The following NLGN1 variants were observed in gnomAD, a reference collection of about 807,000 sequenced individuals.
The protein encoded by NLGN1 is neuroligin 1, also known as neuroligin-1.
In NLGN1, 12 loss-of-function variants were observed where a neutral mutation model predicts 65.5. The ratio of observed to expected loss-of-function variants is 0.18; its 90% CI spans 0.12 to 0.30. The LOEUF (loss-of-function observed/expected upper bound fraction) is 0.30. Ranked by LOEUF, NLGN1 falls within the 10% of genes least tolerant of loss-of-function variation. NLGN1 has a pLI of 1.00. For missense variants in NLGN1, 750 were observed against 1,007.1 expected (o/e 0.74, Z 3.46); for synonymous variants, 350 against 359.5 (o/e 0.97, Z 0.30).
At chr3:173,936,344 A>G (rs1745077787) in intron 4 of NLGN1, among the ~76,000 whole-genome samples, 2 of 152,030 alleles carry the variant, frequency 1.3e-5, no homozygotes, top group African/African-American at 4.8e-5. Flanking sequence ...TGTTTATTAC[A>G]GTGTGTTTAA....
At chr3:173,489,402 A>C (rs922408878) in intron 2 of NLGN1, among the ~76,000 whole-genome samples, 5 of 152,170 alleles carry the variant, frequency 3.3e-5, no homozygotes, top group Non-Finnish European at 7.3e-5. Context: ...TGTCCCTACA[A>C]AGGCCATGAA....
chr3:173,941,269 A>G (rs992607645), intron 4 of NLGN1, among the ~76,000 whole-genome samples: 1 of 152,078 alleles, frequency 6.6e-6, no homozygotes, highest in African/African-American at 2.4e-5. Flanking sequence ...GCTTATAAAA[A>G]TTGAATGGCA....
At chr3:173,426,480 G>A (rs914560393) in intron 1 of NLGN1, among the ~76,000 whole-genome samples, 1 of 152,008 alleles carries the variant, frequency 6.6e-6, no homozygotes, top group Non-Finnish European at 1.5e-5. Context: ...GTCATATACA[G>A]CCTTTAATGT....
At chr3:174,050,135 T>A (rs1734497452) in intron 4 of NLGN1, among the ~76,000 whole-genome samples, 1 of 152,110 alleles carries the variant, frequency 6.6e-6, no homozygotes. Context: ...ACATCAAAAG[T>A]GATCAACACA....
upstream of NLGN1, chr3:173,398,018 G>A (rs1716940327): frequency 6.6e-6 from 1 of 152,286 alleles, no homozygotes; most frequent in Admixed American, 6.5e-5. Flanking sequence ...CCCTAGAGCT[G>A]TGCCCTGGGA....
At chr3:174,123,651 A>G (rs907828131) in intron 4 of NLGN1, among the ~76,000 whole-genome samples, 1 of 152,080 alleles carries the variant, frequency 6.6e-6, no homozygotes, top group Non-Finnish European at 1.5e-5. Context: ...TCTTGCTTCC[A>G]TGCCTCATAC....
chr3:173,407,715 G>T (rs770807061), intron 1 of NLGN1, among the ~76,000 whole-genome samples: 10 of 152,126 alleles, frequency 6.6e-5, no homozygotes, highest in Admixed American at 6.5e-5. Flanking sequence ...GGGGCAGTTG[G>T]CCATTCTAGA....
chr3:174,274,100 G>A, intron 4 of NLGN1, among the ~76,000 whole-genome samples: 1 of 151,636 alleles, frequency 6.6e-6, no homozygotes, highest in East Asian at 1.9e-4. Context: ...TTAAAAATTA[G>A]TTCTATAAAC....
chr3:174,093,914 A>G (rs1440957056), intron 4 of NLGN1, among the ~76,000 whole-genome samples: 2 of 152,152 alleles, frequency 1.3e-5, no homozygotes, highest in African/African-American at 4.8e-5. Context: ...TCTTCCATAT[A>G]ATCTCATATA....
At chr3:174,092,673 A>G (rs950998625) in intron 4 of NLGN1, among the ~76,000 whole-genome samples, 6 of 152,128 alleles carry the variant, frequency 3.9e-5, no homozygotes, top group African/African-American at 1.4e-4. Context: ...CAGCAGGGAA[A>G]TTGGGTCTCT....
At chr3:173,980,189 T>G (rs1253936371) in intron 4 of NLGN1, among the ~76,000 whole-genome samples, 2 of 151,826 alleles carry the variant, frequency 1.3e-5, no homozygotes, top group Non-Finnish European at 2.9e-5. Flanking sequence ...ACATATAAAC[T>G]CCCCATTAAA....
intron 4 of NLGN1, among the ~76,000 whole-genome samples, chr3:173,949,506 A>G (rs1747793379): frequency 6.6e-6 from 1 of 152,166 alleles, no homozygotes; most frequent in Non-Finnish European, 1.5e-5. Context: ...TTGTCAATTT[A>G]TAGACTCTGG....
In NLGN1 at chr3:173,519,464, T is replaced by G. The variant is rs1734401051; in HGVS notation, c.-321+84386T>G. On this transcript the variant is annotated intron_variant, in intron 2 of 6. Transcript: ENST00000457714. ...GAGAGCAGCTGTGGGGACTGAACCC[T>G]GGAAAGCCACAGAGGCAGAGCTGTC... is the stretch of plus-strand genomic sequence containing the variant. Among the ~76,000 whole-genome samples the G allele has an allele frequency of 3.3e-5, 5 of 152,360 alleles. No individual in the cohort carries two copies. In the South Asian group the frequency reaches 1.0e-3, roughly 32 times the overall value.
chr3:173,845,814 A>AC (rs1725672897), intron 4 of NLGN1, among the ~76,000 whole-genome samples: 1 of 152,074 alleles, frequency 6.6e-6, no homozygotes, highest in Non-Finnish European at 1.5e-5. Context: ...TGACTCTTAG[A>AC]TTTTTTTCAA....
rs540109145 is a variant in NLGN1 at position 173,664,098 on chromosome 3, G to A, written c.493+59007G>A. On this transcript the variant is annotated intron_variant, in intron 3 of 6. Coordinates refer to ENST00000457714, the Ensembl canonical transcript of NLGN1. ...AACAATATGAATTGTTAAAAAATGTGCTTCTCCAAAATATGAAACAGTTGG... is the reference window on the plus strand; with the variant it reads ...AACAATATGAATTGTTAAAAAATGTACTTCTCCAAAATATGAAACAGTTGG... Among the ~76,000 whole-genome samples the A allele has an allele frequency of 6.6e-5, 10 of 152,074 alleles. No individual in the cohort carries two copies. The South Asian group carries it at 2.1e-3, about 32-fold the overall frequency.
intron 2 of NLGN1, among the ~76,000 whole-genome samples, chr3:173,532,972 A>T: frequency 6.6e-6 from 1 of 152,198 alleles, no homozygotes; most frequent in East Asian, 1.9e-4. Context: ...TGCATTAAAA[A>T]TGAAATGCTG....
intron 2 of NLGN1, among the ~76,000 whole-genome samples, chr3:173,475,143 C>T (rs914874772): frequency 6.6e-6 from 1 of 152,066 alleles, no homozygotes; most frequent in Admixed American, 6.6e-5. Flanking sequence ...AAGTGTCTTA[C>T]TAATTAATTT....
intron 2 of NLGN1, among the ~76,000 whole-genome samples, chr3:173,531,542 A>G (rs972883833): frequency 7.2e-6 from 1 of 138,812 alleles, no homozygotes; most frequent in East Asian, 2.4e-4. Context: ...TAAAAATTGT[A>G]TTTGTTTTTA....
chr3:173,865,587 CAACA>C, intron 4 of NLGN1, among the ~76,000 whole-genome samples: 1 of 151,976 alleles, frequency 6.6e-6, no homozygotes, highest in East Asian at 1.9e-4. Context: ...TTTAAAAAAA[CAACA>C]AAGAAACTTG....
Sources: gnomAD v4.1 joint callset for allele counts (sites outside exome capture counted in the v4.1 genomes callset) on GRCh38, gnomAD v4.1.1 for gene constraint, MANE v1.5 for transcripts, NCBI Gene and HGNC (gene_info 2026-07-23, HGNC 2026-07-21) for gene names.